BHMT2: variants seen among roughly 807,000 people sequenced by gnomAD.
BHMT2 encodes S-methylmethionine--homocysteine S-methyltransferase BHMT2.
In BHMT2, 28 loss-of-function variants were observed where a neutral mutation model predicts 39.0. That is an observed-to-expected ratio of 0.72 (90% CI 0.53 to 0.98). The LOEUF is 0.98. Ranked by LOEUF, BHMT2 falls within the 50% of genes least tolerant of loss-of-function variation. The pLI is 0.00. For missense variants in BHMT2, 410 were observed against 455.6 expected (o/e 0.90, Z 0.91); for synonymous variants, 145 against 160.6 (o/e 0.90, Z 0.74).
chr5:79,088,663 C>T lies in BHMT2; in HGVS notation c.*89C>T. ...GAACCGTTCCTCACCTTCATCCTCA[C>T]CATGCCCTGCTATCTCCAGCTGCTG... On this transcript the variant is annotated 3_prime_UTR_variant, in exon 8 of 8. Transcript: ENST00000255192. 1.0e-6 allele frequency: 1 copy of T among 997,282 alleles called. No individual in the cohort carries two copies. The highest frequency in any genetic ancestry group is 1.5e-5 in the South Asian group (1 of 68,134). The allele number at this position is 997,282 out of a possible 1,614,324, so 61.8% of individuals were successfully genotyped here. A position where few individuals can be genotyped will look rare whatever the true frequency, so the allele number is the denominator to read the frequency against.
chr5:79,074,433 A>G (rs1034816980), intron 1 of BHMT2, among the ~76,000 whole-genome samples: 2 of 152,204 alleles, frequency 1.3e-5, no homozygotes, highest in African/African-American at 4.8e-5. Flanking sequence ...GGTTGCTTTT[A>G]TTAGATCCAG....
chr5:79,080,974 C>T (rs1755777146), intron 4 of BHMT2, 96 bp downstream of exon 4: 1 of 1,172,536 alleles, frequency 8.5e-7, no homozygotes, highest in South Asian at 1.7e-5. Context: ...ACATTCTGCC[C>T]TCATTTCTTC....
At chr5:79,084,262 C>CT (rs140789418) in intron 7 of BHMT2, among the ~76,000 whole-genome samples, 1 of 151,678 alleles carries the variant, frequency 6.6e-6, no homozygotes, top group Admixed American at 6.6e-5. Context: ...GGCCTCTTGT[C>CT]TTTTTTGTTT....
intron 5 of BHMT2, 27 bp downstream of exon 5, chr5:79,082,983 C>G: frequency 6.2e-7 from 1 of 1,613,576 alleles, no homozygotes; most frequent in Non-Finnish European, 8.5e-7. Context: ...CCGTGATACA[C>G]AGCTCAGTTG....
At chr5:79,073,091 G>A (rs930656701) in intron 1 of BHMT2, among the ~76,000 whole-genome samples, 5 of 150,954 alleles carry the variant, frequency 3.3e-5, no homozygotes, top group African/African-American at 1.2e-4. Flanking sequence ...CACCTCACAA[G>A]TAGCTGGGAT....
At chr5:79,085,647 A>T (rs1755879899) in intron 7 of BHMT2, among the ~76,000 whole-genome samples, 1 of 152,182 alleles carries the variant, frequency 6.6e-6, no homozygotes. Context: ...GTGCCACTTA[A>T]CTCTAGCCTG....
At chr5:79,082,600 A>G in intron 4 of BHMT2, 1 of 442,524 alleles carries the variant, frequency 2.3e-6, no homozygotes, top group Non-Finnish European at 3.9e-6. Flanking sequence ...CTGAATGAAA[A>G]ACTATATGTT....
chr5:79,071,822 TA>T (rs60114073), intron 1 of BHMT2, among the ~76,000 whole-genome samples: 21,938 of 103,562 alleles, frequency 0.21, 1,790 homozygotes, highest in South Asian at 0.26. Context: ...AACTTAAAAG[TA>T]AAAAAAAAAA....
chr5:79,086,223 C>G (rs1053638203), intron 7 of BHMT2, among the ~76,000 whole-genome samples: 2 of 152,212 alleles, frequency 1.3e-5, no homozygotes, highest in Non-Finnish European at 2.9e-5. Flanking sequence ...CTCTCTCACT[C>G]TCATTAGGCT....
At chr5:79,085,968 AC>A (rs1259045454) in intron 7 of BHMT2, among the ~76,000 whole-genome samples, 1 of 152,068 alleles carries the variant, frequency 6.6e-6, no homozygotes, top group Non-Finnish European at 1.5e-5. Context: ...CTTGCCTGGC[AC>A]CCTGATAGGA....
chr5:79,085,731 T>G (rs944230979), intron 7 of BHMT2, among the ~76,000 whole-genome samples: 5 of 152,034 alleles, frequency 3.3e-5, no homozygotes, highest in African/African-American at 9.7e-5. Flanking sequence ...ATAAAAGTGT[T>G]CAGGTTCATG....
At chr5:79,076,784 G>A (rs184817906) in intron 1 of BHMT2, among the ~76,000 whole-genome samples, 3 of 152,266 alleles carry the variant, frequency 2.0e-5, no homozygotes, top group Admixed American at 6.5e-5. Context: ...GTCCACTACC[G>A]TTCTGTTCAG....
chr5:79,078,828 C>T (rs1755727881), intron 2 of BHMT2, among the ~76,000 whole-genome samples: 1 of 152,104 alleles, frequency 6.6e-6, no homozygotes, highest in Non-Finnish European at 1.5e-5. Context: ...GCTGGAATAA[C>T]AAGAGTAAGG....
intron 1 of BHMT2, among the ~76,000 whole-genome samples, 176 bp downstream of exon 1, chr5:79,069,991 C>CT (rs2112688752): frequency 6.6e-6 from 1 of 152,306 alleles, no homozygotes; most frequent in South Asian, 2.1e-4. Flanking sequence ...TTATGGAGCC[C>CT]TTACTCGGTG....
chr5:79,074,852 A>G (rs568337303), intron 1 of BHMT2, among the ~76,000 whole-genome samples: 177 of 152,328 alleles, frequency 1.2e-3, no homozygotes, highest in Non-Finnish European at 1.4e-3. Context: ...GTAAATGTCA[A>G]TGAGATGAGT....
chr5:79,073,445 G>C (rs1755617499), intron 1 of BHMT2, among the ~76,000 whole-genome samples: 2 of 152,206 alleles, frequency 1.3e-5, no homozygotes, highest in South Asian at 4.1e-4. Context: ...CAGACTTTGA[G>C]CTTGTGGAGG....
chr5:79,077,744 G>C (rs1755699534), intron 2 of BHMT2, 132 bp downstream of exon 2: 2 of 1,097,740 alleles, frequency 1.8e-6, no homozygotes, highest in African/African-American at 3.1e-5. Context: ...AAGATGTGGA[G>C]ATAATGGCAG....
intron 7 of BHMT2, among the ~76,000 whole-genome samples, 193 bp from the exon 8 acceptor site, chr5:79,088,300 T>C (rs543984298): frequency 6.6e-6 from 1 of 152,268 alleles, no homozygotes; most frequent in East Asian, 1.9e-4. Flanking sequence ...GACACAGTTT[T>C]CCGTCTGTAT....
rs756511426 is a variant in BHMT2 at position 79,082,809 on chromosome 5, T to C, written c.451T>C (p.Tyr151His). The part of the protein sequence containing the change: ...WKNVDFLIAE[Y>H]FEHVEEAVWA... ...GTAGAAAAAGTGACATTTCTCTTAG[T>C]ATTTTGAGCACGTTGAAGAAGCTGT... The change falls in exon 5 of 8, where the codon TAT becomes CAT. Residue 151 changes from tyrosine to histidine, a missense_variant and splice_region_variant. Coordinates refer to ENST00000255192, the MANE Select transcript of BHMT2 (RefSeq NM_017614.5). The C allele has an allele frequency of 6.2e-6, 10 of 1,613,464 alleles. No homozygotes were observed. In the Admixed American group the frequency reaches 8.3e-5, roughly 13 times the overall value.
Sources: gnomAD v4.1 joint callset for allele counts (sites outside exome capture counted in the v4.1 genomes callset) on GRCh38, gnomAD v4.1.1 for gene constraint, MANE v1.5 for transcripts, NCBI Gene and HGNC (gene_info 2026-07-23, HGNC 2026-07-21) for gene names.